SIMC1: variants seen among roughly 807,000 people sequenced by gnomAD.
SIMC1 encodes the protein SUMO interacting motifs containing 1.
Under a neutral mutation model 82.3 loss-of-function variants are expected in SIMC1, and 55 were observed. The ratio of observed to expected loss-of-function variants is 0.67; its 90% CI spans 0.54 to 0.84. The LOEUF is 0.84. Ranked by LOEUF, SIMC1 falls within the 40% of genes least tolerant of loss-of-function variation. The pLI is 0.00. For missense variants in SIMC1, 915 were observed against 1,107.2 expected (o/e 0.83, Z 2.46); for synonymous variants, 353 against 426.3 (o/e 0.83, Z 2.12).
chr5:176,317,039 A>C (rs1156820671), intron 5 of SIMC1, among the ~76,000 whole-genome samples: 1 of 152,214 alleles, frequency 6.6e-6, no homozygotes, highest in Non-Finnish European at 1.5e-5. Flanking sequence ...GTGACCTCTA[A>C]ATCTAGGCCA....
intron 7 of SIMC1, among the ~76,000 whole-genome samples, chr5:176,336,178 G>A (rs553988383): frequency 2.6e-5 from 4 of 152,012 alleles, no homozygotes; most frequent in South Asian, 2.1e-4. Context: ...TTTGCCCCTC[G>A]TAGACCACTC....
At chr5:176,299,392 T>TAA (rs567330074) in intron 4 of SIMC1, among the ~76,000 whole-genome samples, 4 of 132,444 alleles carry the variant, frequency 3.0e-5, no homozygotes, top group Admixed American at 7.6e-5. Context: ...ACCCTGTCTC[T>TAA]AAAAAAAAAA....
chr5:176,241,517 C>T (rs1475675209), intron 1 of SIMC1, among the ~76,000 whole-genome samples: 1 of 150,818 alleles, frequency 6.6e-6, no homozygotes, highest in African/African-American at 2.5e-5. Context: ...TTAAGTTCCT[C>T]TTAGAAGTTA....
intron 4 of SIMC1, among the ~76,000 whole-genome samples, chr5:176,301,172 G>A (rs781576527): frequency 1.3e-5 from 2 of 152,222 alleles, no homozygotes; most frequent in Admixed American, 1.3e-4. Context: ...TAATTCCCAC[G>A]TGTTATGGGA....
At chr5:176,282,337 C>T (rs1763051136) in intron 1 of SIMC1, among the ~76,000 whole-genome samples, 1 of 152,210 alleles carries the variant, frequency 6.6e-6, no homozygotes, top group Admixed American at 6.5e-5. Context: ...CGTCTGTCAC[C>T]CCTTTCTTTG....
chr5:176,290,903 C>T lies in SIMC1; in HGVS notation c.1379C>T (p.Pro460Leu), dbSNP rs755933866. ...AGACTGAAGTACTTCTTACGTCCTC[C>T]GGTTCATCACCTCTTCTTTCAGACG... The part of the protein sequence containing the change: ...LHRLKYFLRP[P>L]VHHLFFQTLI... The change falls in exon 2 of 10, where the codon CCG (proline) becomes CTG (leucine). Residue 460 changes from proline to leucine, a missense_variant. Physicochemically the swap from Pro to Leu is moderately conservative, Grantham distance 98. Coordinates refer to ENST00000429602, the MANE Select transcript of SIMC1 (RefSeq NM_001308195.2). 8.7e-6 allele frequency: 14 copies of T among 1,610,938 alleles called. No individual in the cohort carries two copies. The highest frequency in any genetic ancestry group is 5.0e-5 in the Admixed American group (3 of 59,734).
chr5:176,275,501 A>C (rs1386958993), intron 1 of SIMC1, among the ~76,000 whole-genome samples: 1 of 151,900 alleles, frequency 6.6e-6, no homozygotes, highest in Non-Finnish European at 1.5e-5. Context: ...CAGAACTTCC[A>C]ACACTGTGTT....
chr5:176,252,288 CGTG>C (rs1761694311), intron 1 of SIMC1, among the ~76,000 whole-genome samples: 1 of 151,848 alleles, frequency 6.6e-6, no homozygotes, highest in South Asian at 2.1e-4. Flanking sequence ...CCGTCCCGGA[CGTG>C]GTGGCTGCCG....
chr5:176,259,961 A>G (rs1761961204), intron 1 of SIMC1, among the ~76,000 whole-genome samples: 2 of 150,348 alleles, frequency 1.3e-5, no homozygotes, highest in South Asian at 4.1e-4. Flanking sequence ...TTTTAAAATT[A>G]CTTAATATAT....
intron 7 of SIMC1, among the ~76,000 whole-genome samples, chr5:176,332,862 A>G (rs1253742887): frequency 1.3e-5 from 2 of 152,230 alleles, no homozygotes; most frequent in African/African-American, 4.8e-5. Context: ...GACATAAGCC[A>G]AGATATAGAA....
chr5:176,245,827 C>T (rs1348757625), intron 1 of SIMC1, among the ~76,000 whole-genome samples: 4 of 152,074 alleles, frequency 2.6e-5, no homozygotes, highest in Non-Finnish European at 5.9e-5. Context: ...TTATCGTTAT[C>T]TGCAAGGATT....
intron 7 of SIMC1, among the ~76,000 whole-genome samples, chr5:176,334,298 G>A (rs1245087181): frequency 6.6e-6 from 1 of 152,162 alleles, no homozygotes; most frequent in African/African-American, 2.4e-5. Context: ...TATTCTGGCA[G>A]GCAGTTAATT....
Position 176,308,546 on chromosome 5 carries a change from G to A in SIMC1, c.1735-5145G>A, listed in dbSNP as rs147277591. Reference sequence around the variant, plus strand: ...TTTTTTCCTGTTTCATAGAAGATAAGAACACAAGGGCTGGCCGGGTACTCT... The same window carrying A: ...TTTTTTCCTGTTTCATAGAAGATAAAAACACAAGGGCTGGCCGGGTACTCT... On this transcript the variant is annotated intron_variant, in intron 4 of 9. Transcript: ENST00000429602. 8 of 1,600,684 alleles carry A rather than the reference G, an allele frequency of 5.0e-6. 1 individual carries two copies. In the African/African-American group the frequency reaches 1.1e-4, roughly 21 times the overall value.
At chr5:176,307,412 T>G (rs1764471564) in intron 4 of SIMC1, among the ~76,000 whole-genome samples, 1 of 152,174 alleles carries the variant, frequency 6.6e-6, no homozygotes, top group African/African-American at 2.4e-5. Flanking sequence ...GTAACAATTG[T>G]TTTTTTGAGA....
intron 7 of SIMC1, 37 bp from the exon 8 acceptor site, chr5:176,336,683 T>C (rs780579908): frequency 6.2e-7 from 1 of 1,608,256 alleles, no homozygotes; most frequent in Non-Finnish European, 8.5e-7. Flanking sequence ...GAAGCATAGT[T>C]GTGATGATTA....
intron 7 of SIMC1, among the ~76,000 whole-genome samples, chr5:176,325,617 C>T (rs1234723087): frequency 6.9e-6 from 1 of 145,646 alleles, no homozygotes; most frequent in Admixed American, 6.9e-5. Context: ...ACCCTGGAGG[C>T]GGAGCTTGCA....
chr5:176,241,644 C>T lies in SIMC1; in HGVS notation c.129+3007C>T, dbSNP rs570721732. On this transcript the variant is annotated intron_variant, in intron 1 of 9. Transcript: ENST00000429602. ...AAAATTTACATGTAACATTTGACTC[C>T]TCGAAAACTTAACTACCAGTGGCCT... Among the ~76,000 whole-genome samples the T allele has an allele frequency of 1.1e-4, 16 of 151,994 alleles. No homozygotes were observed. The South Asian group carries it at 3.1e-3, about 30-fold the overall frequency.
intron 7 of SIMC1, among the ~76,000 whole-genome samples, chr5:176,329,456 G>A (rs1021402989): frequency 9.7e-5 from 14 of 144,394 alleles, no homozygotes; most frequent in South Asian, 2.2e-4. Flanking sequence ...CAGCCTGGGC[G>A]AAAGAGTCCA....
intron 9 of SIMC1, among the ~76,000 whole-genome samples, chr5:176,342,711 C>T (rs1040503440): frequency 2.0e-5 from 3 of 152,352 alleles, no homozygotes; most frequent in East Asian, 3.9e-4. Flanking sequence ...GTTGCCTCCT[C>T]ATCCGTCAAT....
Sources: allele counts gnomAD v4.1 joint callset (sites outside exome capture counted in the v4.1 genomes callset), GRCh38; gene constraint gnomAD v4.1.1; transcripts MANE v1.5; gene names NCBI Gene and HGNC (gene_info 2026-07-23, HGNC 2026-07-21).